FTO: variants seen among roughly 807,000 people sequenced by gnomAD.
FTO encodes the protein FTO alpha-ketoglutarate dependent dioxygenase, also known as alpha-ketoglutarate-dependent dioxygenase FTO.
In FTO, 47 loss-of-function variants were observed where a neutral mutation model predicts 63.9. That is an observed-to-expected ratio of 0.74 (90% CI 0.58 to 0.94). The LOEUF (loss-of-function observed/expected upper bound fraction) is 0.94, where lower values mean the gene tolerates loss of function less well. Among genes scored for constraint, FTO ranks in the 40% least tolerant of loss-of-function variants. The pLI, the probability that FTO is intolerant of heterozygous loss-of-function variation, is 0.00. For missense variants in FTO, 562 were observed against 618.1 expected (o/e 0.91, Z 0.96); for synonymous variants, 207 against 224.4 (o/e 0.92, Z 0.69).
intron 7 of FTO, among the ~76,000 whole-genome samples, chr16:53,898,766 A>G (rs2081334621): frequency 6.6e-6 from 1 of 152,110 alleles, no homozygotes; most frequent in African/African-American, 2.4e-5. Context: ...TGTAGCCTCA[A>G]ACTCCTGGGC....
intron 6 of FTO, among the ~76,000 whole-genome samples, chr16:53,888,200 G>GTTTTA (rs1407463320): frequency 1.3e-5 from 2 of 151,620 alleles, no homozygotes; most frequent in African/African-American, 2.4e-5. Flanking sequence ...CTTTTTAATT[G>GTTTTA]TTTTATTTTA....
chr16:53,759,284 A>ATTGCTTT (rs2076993605), intron 1 of FTO, among the ~76,000 whole-genome samples: 1 of 152,236 alleles, frequency 6.6e-6, no homozygotes, highest in Admixed American at 6.5e-5. Context: ...AAAACAAAGC[A>ATTGCTTT]ATGGAAAATA....
chr16:53,856,530 A>G (rs2080002011), intron 4 of FTO, among the ~76,000 whole-genome samples: 1 of 152,162 alleles, frequency 6.6e-6, no homozygotes, highest in South Asian at 2.1e-4. Context: ...CAGGTGGATC[A>G]CTTGAGGTCA....
chr16:53,978,492 GTTTT>G (rs1334459248), intron 8 of FTO, among the ~76,000 whole-genome samples: 1 of 152,126 alleles, frequency 6.6e-6, no homozygotes, highest in Non-Finnish European at 1.5e-5. Context: ...ATCGTTTTAG[GTTTT>G]GTAAATTACG....
At chr16:53,859,752 G>C (rs2080116718) in intron 4 of FTO, among the ~76,000 whole-genome samples, 2 of 152,076 alleles carry the variant, frequency 1.3e-5, no homozygotes, top group Non-Finnish European at 2.9e-5. Flanking sequence ...CTTCACACTT[G>C]TTACAATAAC....
intron 3 of FTO, among the ~76,000 whole-genome samples, chr16:53,828,216 C>CT (rs2079058696): frequency 6.6e-6 from 1 of 151,822 alleles, no homozygotes; most frequent in Non-Finnish European, 1.5e-5. Context: ...CCTTTGTTCT[C>CT]TTTTTTTTCT....
chr16:53,870,443 A>G (rs566971509), intron 4 of FTO, among the ~76,000 whole-genome samples: 4 of 152,154 alleles, frequency 2.6e-5, no homozygotes, highest in African/African-American at 7.2e-5. Flanking sequence ...CGGTTTTTCT[A>G]TCCTGGAACT....
chr16:53,861,794 C>T (rs531378253), intron 4 of FTO, among the ~76,000 whole-genome samples: 1 of 152,160 alleles, frequency 6.6e-6, no homozygotes, highest in East Asian at 1.9e-4. Context: ...TCTTGGTCAG[C>T]CAAAATGTAG....
chr16:53,950,766 G>A (rs1373377983), intron 8 of FTO, among the ~76,000 whole-genome samples: 4 of 152,120 alleles, frequency 2.6e-5, no homozygotes. Flanking sequence ...CCCATAGTGG[G>A]GAATTATGAG....
At chr16:53,960,701 T>C (rs1041386346) in intron 8 of FTO, among the ~76,000 whole-genome samples, 1 of 149,268 alleles carries the variant, frequency 6.7e-6, no homozygotes, top group African/African-American at 2.6e-5. Flanking sequence ...ATGGGTTCAA[T>C]TACCAGAAAT....
chr16:53,980,386 T>C (rs1305036889), intron 8 of FTO, among the ~76,000 whole-genome samples: 1 of 152,196 alleles, frequency 6.6e-6, no homozygotes, highest in Non-Finnish European at 1.5e-5. Flanking sequence ...TGTTAAATGC[T>C]AGGCAAAGAG....
intron 4 of FTO, among the ~76,000 whole-genome samples, chr16:53,855,487 C>G (rs769450716): frequency 6.6e-5 from 10 of 152,022 alleles, no homozygotes; most frequent in Non-Finnish European, 1.5e-4. Context: ...TTGAATATGG[C>G]TGGTGCTTAC....
At chr16:54,083,736 A>G (rs1212136207) in intron 8 of FTO, among the ~76,000 whole-genome samples, 1 of 152,138 alleles carries the variant, frequency 6.6e-6, no homozygotes, top group East Asian at 1.9e-4. Flanking sequence ...ATCCTTCCAA[A>G]GTGCACCACT....
chr16:53,827,876 T>G (rs2079050635), intron 3 of FTO, among the ~76,000 whole-genome samples: 1 of 152,212 alleles, frequency 6.6e-6, no homozygotes, highest in Admixed American at 6.5e-5. Flanking sequence ...ACAATGGAGT[T>G]AGTTTCTTTC....
chr16:54,101,393 G>C (rs924356224), intron 8 of FTO, among the ~76,000 whole-genome samples: 3 of 152,114 alleles, frequency 2.0e-5, no homozygotes, highest in African/African-American at 7.2e-5. Context: ...TTGTTCCAGG[G>C]TTAGTTTGCT....
At chr16:53,864,942 A>T (rs527747897) in intron 4 of FTO, among the ~76,000 whole-genome samples, 2 of 152,314 alleles carry the variant, frequency 1.3e-5, no homozygotes, top group South Asian at 2.1e-4. Flanking sequence ...AGAGTTGCCA[A>T]GGATTTAAAT....
Position 53,808,053 on chromosome 16 carries a change from C to T in FTO, c.46-2087C>T, listed in dbSNP as rs1306362272. Among the ~76,000 whole-genome samples, 3 of 151,956 alleles carry T rather than the reference C, an allele frequency of 2.0e-5. No homozygotes were observed. In the East Asian group the frequency reaches 5.8e-4, roughly 29 times the overall value. On this transcript the variant is annotated intron_variant, in intron 1 of 8. Coordinates refer to ENST00000471389, the MANE Select transcript of FTO (RefSeq NM_001080432.3). Reference sequence around the variant, plus strand: ...GGTATGGTAGCTCACTTCTGTAATCCCAGCACTTTGGGAGGCCAAGGCGGG... The same window carrying T: ...GGTATGGTAGCTCACTTCTGTAATCTCAGCACTTTGGGAGGCCAAGGCGGG...
At chr16:53,781,216 C>T (rs1277887232) in intron 1 of FTO, among the ~76,000 whole-genome samples, 1 of 152,210 alleles carries the variant, frequency 6.6e-6, no homozygotes, top group Non-Finnish European at 1.5e-5. Flanking sequence ...CAAGGCTACG[C>T]AGCTACTAAA....
chr16:53,720,330 A>C (rs1416276814), intron 1 of FTO, among the ~76,000 whole-genome samples: 1 of 152,132 alleles, frequency 6.6e-6, no homozygotes, highest in Non-Finnish European at 1.5e-5. Context: ...TAAATGTAAA[A>C]GAACTTTGAA....
Sources: allele counts gnomAD v4.1 joint callset (sites outside exome capture counted in the v4.1 genomes callset), GRCh38; gene constraint gnomAD v4.1.1; transcripts MANE v1.5; gene names NCBI Gene and HGNC (gene_info 2026-07-23, HGNC 2026-07-21).